Variants in KIF16B observed in about 807,000 individuals in gnomAD.
The protein encoded by KIF16B is kinesin-like protein KIF16B.
KIF16B carries 98 observed loss-of-function variants against 156.3 expected under a neutral mutation model. The observed-to-expected ratio is 0.63, with a 90% CI of 0.53 to 0.74. The LOEUF is 0.74. Among genes scored for constraint, KIF16B ranks in the 30% least tolerant of loss-of-function variants. The probability of loss-of-function intolerance (pLI) is 0.00; values close to 1 mark genes in which losing one functional copy is unlikely to be tolerated. For missense variants in KIF16B, 1,421 were observed against 1,606.5 expected (o/e 0.88, Z 1.97); for synonymous variants, 564 against 583.7 (o/e 0.97, Z 0.49).
intron 10 of KIF16B, among the ~76,000 whole-genome samples, chr20:16,499,459 T>C (rs2068553347): frequency 6.6e-6 from 1 of 152,190 alleles, no homozygotes; most frequent in African/African-American, 2.4e-5. Flanking sequence ...GTCAAATCCA[T>C]CCTCAGTAAA....
intron 12 of KIF16B, among the ~76,000 whole-genome samples, chr20:16,448,082 T>A (rs1221506836): frequency 6.6e-6 from 1 of 152,208 alleles, no homozygotes; most frequent in Non-Finnish European, 1.5e-5. Flanking sequence ...TTTTCTGAAG[T>A]ATCCTGGGCT....
intron 23 of KIF16B, among the ~76,000 whole-genome samples, chr20:16,341,696 C>T (rs1281979530): frequency 6.6e-6 from 1 of 152,240 alleles, no homozygotes; most frequent in East Asian, 1.9e-4. Context: ...AGGTCTCACC[C>T]ACAGCTCCTT....
At chr20:16,511,913 G>A (rs535812591) in intron 5 of KIF16B, among the ~76,000 whole-genome samples, 81 of 152,296 alleles carry the variant, frequency 5.3e-4, no homozygotes, top group East Asian at 3.1e-3. Context: ...TTGGGAGGCC[G>A]AGGCAGATGG....
chr20:16,393,460 A>T (rs978710939), intron 17 of KIF16B, among the ~76,000 whole-genome samples: 4 of 152,222 alleles, frequency 2.6e-5, no homozygotes, highest in African/African-American at 9.6e-5. Flanking sequence ...GTTGCTGGTG[A>T]TGGTTAAACA....
intron 15 of KIF16B, 79 bp downstream of exon 15, chr20:16,427,025 C>G: frequency 1.6e-6 from 2 of 1,222,946 alleles, no homozygotes; most frequent in South Asian, 1.8e-5. Flanking sequence ...TTCTAAGATG[C>G]ACATGTTCCC....
intron 12 of KIF16B, among the ~76,000 whole-genome samples, chr20:16,443,311 GA>G (rs1476612177): frequency 3.9e-5 from 6 of 152,188 alleles, no homozygotes; most frequent in Non-Finnish European, 5.9e-5. Context: ...CACTGGTACA[GA>G]AGGGAGTTTC....
intron 24 of KIF16B, among the ~76,000 whole-genome samples, chr20:16,334,975 T>C (rs1248625754): frequency 6.6e-6 from 1 of 152,224 alleles, no homozygotes; most frequent in Non-Finnish European, 1.5e-5. Context: ...CAGGGAACTA[T>C]TTTATTTACA....
intron 25 of KIF16B, among the ~76,000 whole-genome samples, chr20:16,275,898 C>T (rs1172436099): frequency 3.3e-5 from 5 of 152,194 alleles, no homozygotes; most frequent in East Asian, 1.9e-4. Context: ...AGCCAATGCT[C>T]GCGGTGCAAT....
chr20:16,377,667 T>G (rs1360446200), intron 19 of KIF16B, among the ~76,000 whole-genome samples: 2 of 152,104 alleles, frequency 1.3e-5, no homozygotes, highest in Non-Finnish European at 2.9e-5. Context: ...TGCTACCATC[T>G]TGATAGGAAG....
At chr20:16,428,906 C>T (rs1473967301) in intron 14 of KIF16B, 47 bp downstream of exon 14, 2 of 1,533,854 alleles carry the variant, frequency 1.3e-6, no homozygotes, top group East Asian at 4.5e-5. Flanking sequence ...TCCTTGAATA[C>T]AACCTTAAAA....
chr20:16,532,853 T>C lies in KIF16B; in HGVS notation c.48-4413A>G, dbSNP rs371154211. ...AAACAAAGTAATGTGGCTCATACAA[T>C]GCCCACCACTCCTGCTGGAAGCCAG... On this transcript the variant is annotated intron_variant, in intron 1 of 25. Coordinates refer to ENST00000354981, the MANE Select transcript of KIF16B (RefSeq NM_024704.5). 1.6e-4 allele frequency among the ~76,000 whole-genome samples: 24 copies of C among 152,286 alleles called. No homozygotes were observed. The East Asian group carries it at 4.1e-3, about 26-fold the overall frequency.
At chr20:16,452,366 G>C (rs1009693326) in intron 12 of KIF16B, among the ~76,000 whole-genome samples, 1 of 149,254 alleles carries the variant, frequency 6.7e-6, no homozygotes, top group Non-Finnish European at 1.5e-5. Flanking sequence ...TTGAATATGA[G>C]CAAAAAAGTA....
chr20:16,521,694 G>C (rs1251834739), intron 3 of KIF16B, among the ~76,000 whole-genome samples: 1 of 152,072 alleles, frequency 6.6e-6, no homozygotes. Context: ...TCCTCGAGTA[G>C]AGCAAAACCC....
chr20:16,568,488 C>T (rs2071340834), intron 1 of KIF16B, among the ~76,000 whole-genome samples: 1 of 152,124 alleles, frequency 6.6e-6, no homozygotes, highest in Non-Finnish European at 1.5e-5. Flanking sequence ...TATCCACATG[C>T]GTTATCTCAC....
intron 12 of KIF16B, among the ~76,000 whole-genome samples, chr20:16,446,282 C>T (rs1397891463): frequency 6.6e-6 from 1 of 152,214 alleles, no homozygotes; most frequent in Non-Finnish European, 1.5e-5. Context: ...TTAATGAGAA[C>T]AATGCCAAGC....
chr20:16,465,181 T>C (rs113463479), intron 12 of KIF16B, among the ~76,000 whole-genome samples: 3,327 of 152,288 alleles, frequency 0.022, 136 homozygotes, highest in African/African-American at 0.075. Flanking sequence ...AGGCTTAACA[T>C]TGGGACAGAA....
At chr20:16,299,137 T>C (rs2063434802) in intron 25 of KIF16B, among the ~76,000 whole-genome samples, 1 of 152,198 alleles carries the variant, frequency 6.6e-6, no homozygotes, top group African/African-American at 2.4e-5. Context: ...AATTAAAGTC[T>C]TGCTTTCTTA....
chr20:16,424,621 T>C (rs939703796), intron 15 of KIF16B, among the ~76,000 whole-genome samples: 1 of 152,166 alleles, frequency 6.6e-6, no homozygotes, highest in African/African-American at 2.4e-5. Context: ...TCTTACATAG[T>C]TCAGCCCAAA....
At chr20:16,564,035 C>T (rs2071162532) in intron 1 of KIF16B, among the ~76,000 whole-genome samples, 1 of 152,138 alleles carries the variant, frequency 6.6e-6, no homozygotes, top group Admixed American at 6.6e-5. Flanking sequence ...CCCAAACTCC[C>T]TGTTTTCTTT....
Sources: gnomAD v4.1 joint callset for allele counts (sites outside exome capture counted in the v4.1 genomes callset) on GRCh38, gnomAD v4.1.1 for gene constraint, MANE v1.5 for transcripts, NCBI Gene and HGNC (gene_info 2026-07-23, HGNC 2026-07-21) for gene names.